The following CPA6 variants were observed in gnomAD, a reference collection of about 807,000 sequenced individuals.
The protein encoded by CPA6 is carboxypeptidase B.
Under a neutral mutation model 63.3 loss-of-function variants are expected in CPA6, and 58 were observed. The ratio of observed to expected loss-of-function variants is 0.92; its 90% CI spans 0.74 to 1.14. CPA6 has a LOEUF of 1.14. CPA6 is among the 50% of genes most tolerant of loss of function. CPA6 has a pLI of 0.00. For synonymous variants in CPA6, 185 were observed against 179.0 expected (o/e 1.03, Z -0.27); for missense variants, 565 against 526.6 (o/e 1.07, Z -0.71).
chr8:67,594,140 T>C (rs1054837803), intron 2 of CPA6, among the ~76,000 whole-genome samples: 3 of 152,220 alleles, frequency 2.0e-5, no homozygotes, highest in Non-Finnish European at 2.9e-5. Flanking sequence ...CCTTCACTTA[T>C]GAAGCTTAGT....
rs1036976725 is a variant in CPA6, at chr8:67,733,539, A to G, written c.116+12475T>C. Among the ~76,000 whole-genome samples, 9 of 152,164 alleles carry G rather than the reference A, an allele frequency of 5.9e-5. 1 individual carries two copies. The highest frequency in any genetic ancestry group is 3.3e-4 in the Admixed American group (5 of 15,280). On this transcript the variant is annotated intron_variant, in intron 1 of 10. Coordinates refer to ENST00000297770, the MANE Select transcript of CPA6 (RefSeq NM_020361.5). The stretch of plus-strand genomic sequence containing the variant: ...CTTTCTACATTTTATCTCCGCTCAG[A>G]GTCCTTATCAGAACTCACTACTATG...
intron 8 of CPA6, among the ~76,000 whole-genome samples, chr8:67,474,365 G>T (rs527762251): frequency 6.6e-6 from 1 of 152,182 alleles, no homozygotes; most frequent in African/African-American, 2.4e-5. Context: ...GCGACTACAG[G>T]AATGGGCCAC....
intron 8 of CPA6, among the ~76,000 whole-genome samples, chr8:67,461,457 A>G (rs1314461503): frequency 6.6e-6 from 1 of 151,226 alleles, no homozygotes; most frequent in Non-Finnish European, 1.5e-5. Flanking sequence ...TCCCATGTCT[A>G]CTACTTTCTA....
chr8:67,475,822 CTTTT>C (rs760410999), intron 8 of CPA6, among the ~76,000 whole-genome samples: 2,179 of 45,976 alleles, frequency 0.047, 96 homozygotes, highest in African/African-American at 0.088. Flanking sequence ...TCTTTCCTTT[CTTTT>C]CTTTCTTTCT....
intron 1 of CPA6, among the ~76,000 whole-genome samples, chr8:67,710,567 A>C (rs149250797): frequency 2.7e-3 from 409 of 152,216 alleles, no homozygotes; most frequent in African/African-American, 9.5e-3. Flanking sequence ...ATTGCCAAAA[A>C]GAGTCTGTTT....
At chr8:67,572,261 T>C (rs1190512396) in intron 2 of CPA6, among the ~76,000 whole-genome samples, 1 of 152,208 alleles carries the variant, frequency 6.6e-6, no homozygotes, top group African/African-American at 2.4e-5. Context: ...TGATCCCTAA[T>C]GTGGTGGTGT....
chr8:67,643,161 A>G (rs1045221769), intron 1 of CPA6, among the ~76,000 whole-genome samples: 14 of 152,232 alleles, frequency 9.2e-5, no homozygotes, highest in African/African-American at 3.4e-4. Context: ...GATGCATATC[A>G]TCCTTAATAA....
chr8:67,725,837 C>CT (rs1235205509), intron 1 of CPA6, among the ~76,000 whole-genome samples: 5 of 152,136 alleles, frequency 3.3e-5, no homozygotes, highest in African/African-American at 9.7e-5. Flanking sequence ...AGCCACCATG[C>CT]TTGGCTATTT....
rs1030142308 is a variant in CPA6, at chr8:67,422,190, T to C, written c.*314A>G. 1 of 228,774 alleles carries C rather than the reference T, an allele frequency of 4.4e-6. No homozygotes were observed. Among genetic ancestry groups the C allele is most frequent in the Non-Finnish European group, 8.5e-6 (1 of 117,848 alleles). 14.2% of individuals were successfully genotyped at this position (228,774 alleles called of 1,614,324 possible). On this transcript the variant is annotated 3_prime_UTR_variant, in exon 11 of 11. Coordinates refer to ENST00000297770, the MANE Select transcript of CPA6 (RefSeq NM_020361.5). The stretch of plus-strand genomic sequence containing the variant: ...CTAGATCCTAATTGAGGACATGAGA[T>C]TTATTGAAGGGAAATCCTCAATTAA...
chr8:67,562,980 C>T (rs775854851), intron 2 of CPA6, among the ~76,000 whole-genome samples: 5 of 152,060 alleles, frequency 3.3e-5, no homozygotes, highest in Admixed American at 6.6e-5. Flanking sequence ...TCTCTGTATA[C>T]GTTTTGTCTC....
chr8:67,440,701 T>C (rs867574864), intron 8 of CPA6, among the ~76,000 whole-genome samples: 2 of 152,214 alleles, frequency 1.3e-5, no homozygotes, highest in African/African-American at 4.8e-5. Context: ...TATAAACCTA[T>C]ACAGTATATC....
intron 1 of CPA6, among the ~76,000 whole-genome samples, chr8:67,638,269 A>G (rs1349622972): frequency 6.6e-6 from 1 of 151,306 alleles, no homozygotes; most frequent in African/African-American, 2.5e-5. Flanking sequence ...GCCTTGTGAC[A>G]GGAGAAAGGA....
At chr8:67,683,086 G>T (rs1266099545) in intron 1 of CPA6, among the ~76,000 whole-genome samples, 1 of 152,218 alleles carries the variant, frequency 6.6e-6, no homozygotes, top group African/African-American at 2.4e-5. Context: ...CCCCCGGTCT[G>T]CTGCTTCCTG....
chr8:67,437,929 G>C lies in CPA6; in HGVS notation c.839-3689C>G, dbSNP rs372247078. Among the ~76,000 whole-genome samples the C allele has an allele frequency of 8.9e-5, 6 of 67,526 alleles. No homozygotes were observed. The South Asian group carries it at 2.0e-3, about 22-fold the overall frequency. 44.3% of individuals were successfully genotyped at this position (67,526 alleles called of 152,430 possible). A position where few individuals can be genotyped will look rare whatever the true frequency, so the allele number is the denominator to read the frequency against. On this transcript the variant is annotated intron_variant, in intron 8 of 10. Coordinates refer to ENST00000297770, the MANE Select transcript of CPA6 (RefSeq NM_020361.5). The stretch of plus-strand genomic sequence containing the variant: ...CCACAATTCTTTTTTTCTGGGGGGT[G>C]GGGGGTGATGGAGTCTTGCTCAGTC...
At chr8:67,606,899 A>G (rs1814651834) in intron 2 of CPA6, among the ~76,000 whole-genome samples, 1 of 152,158 alleles carries the variant, frequency 6.6e-6, no homozygotes, top group Non-Finnish European at 1.5e-5. Flanking sequence ...AGGTCCTGAT[A>G]GTTGTATAAT....
chr8:67,437,723 A>G (rs189016640), intron 8 of CPA6, among the ~76,000 whole-genome samples: 1 of 152,242 alleles, frequency 6.6e-6, no homozygotes, highest in Non-Finnish European at 1.5e-5. Flanking sequence ...TGAATTAATA[A>G]GATGGAGAGT....
In CPA6 at chr8:67,744,255, T is replaced by A. The variant is rs569941846; in HGVS notation, c.116+1759A>T. 2.0e-5 allele frequency among the ~76,000 whole-genome samples: 3 copies of A among 152,326 alleles called. No homozygotes were observed. The East Asian group carries it at 5.8e-4, about 29-fold the overall frequency. ...AGACTCACTTCTTTTCATTCTCTCA[T>A]CTTTTTCTTCCCTCCTACTCTTAGA... On this transcript the variant is annotated intron_variant, in intron 1 of 10. Coordinates refer to ENST00000297770, the MANE Select transcript of CPA6 (RefSeq NM_020361.5).
intron 1 of CPA6, among the ~76,000 whole-genome samples, chr8:67,704,180 G>T (rs1324448242): frequency 6.6e-6 from 1 of 152,130 alleles, no homozygotes; most frequent in African/African-American, 2.4e-5. Context: ...GTAGCAGAGG[G>T]ATTAACCTGT....
intron 1 of CPA6, among the ~76,000 whole-genome samples, chr8:67,630,236 G>T (rs1309359365): frequency 6.6e-6 from 1 of 151,962 alleles, no homozygotes; most frequent in African/African-American, 2.4e-5. Context: ...ACACAAAGTG[G>T]AAACTGACTC....
Sources: allele counts gnomAD v4.1 joint callset (sites outside exome capture counted in the v4.1 genomes callset), GRCh38; gene constraint gnomAD v4.1.1; transcripts MANE v1.5; gene names NCBI Gene and HGNC (gene_info 2026-07-23, HGNC 2026-07-21).